CFAP95: variants seen among roughly 807,000 people sequenced by gnomAD.
The protein encoded by CFAP95 is cilia- and flagella-associated protein 95.
At chr9:69,840,995 A>C in the CFAP95 span, among the ~76,000 whole-genome samples, 2 of 151,666 alleles carry the variant, frequency 1.3e-5, no homozygotes, top group African/African-American at 2.4e-5. Flanking sequence ...CTTTTGTAAG[A>C]ATCTAGTTAT....
the CFAP95 span, among the ~76,000 whole-genome samples, chr9:69,847,844 C>T: frequency 6.6e-6 from 1 of 152,260 alleles, no homozygotes; most frequent in Non-Finnish European, 1.5e-5. Flanking sequence ...CTAATATGAG[C>T]ATCATTTATT....
At chr9:69,840,307 G>C in the CFAP95 span, among the ~76,000 whole-genome samples, 1 of 152,126 alleles carries the variant, frequency 6.6e-6, no homozygotes, top group Non-Finnish European at 1.5e-5. Flanking sequence ...ATTGCACCTT[G>C]ATTATTTTTA....
the CFAP95 span, among the ~76,000 whole-genome samples, chr9:69,825,620 G>A: frequency 6.6e-6 from 1 of 152,144 alleles, no homozygotes; most frequent in Admixed American, 6.5e-5. Context: ...CATTTATGGA[G>A]CCATATCATC....
chr9:69,883,798 G>C, the CFAP95 span, among the ~76,000 whole-genome samples: 1 of 147,942 alleles, frequency 6.8e-6, no homozygotes, highest in African/African-American at 2.5e-5. Context: ...CTGGCTAAAG[G>C]TTTGTCAATT....
At chr9:69,846,267 C>G in the CFAP95 span, among the ~76,000 whole-genome samples, 1 of 152,064 alleles carries the variant, frequency 6.6e-6, no homozygotes, top group Non-Finnish European at 1.5e-5. Flanking sequence ...ATAGGAACCA[C>G]AAACATTCCC....
chr9:69,853,077 G>A, the CFAP95 span, among the ~76,000 whole-genome samples: 1 of 152,238 alleles, frequency 6.6e-6, no homozygotes, highest in South Asian at 2.1e-4. Flanking sequence ...TTCACTGTGG[G>A]TCAGAGGAAT....
chr9:69,841,896 G>A, the CFAP95 span, among the ~76,000 whole-genome samples: 1 of 152,166 alleles, frequency 6.6e-6, no homozygotes, highest in Non-Finnish European at 1.5e-5. Flanking sequence ...ACCTCCCACA[G>A]GGTGTCTCCC....
At chr9:69,887,985 T>C in the CFAP95 span, among the ~76,000 whole-genome samples, 2 of 152,132 alleles carry the variant, frequency 1.3e-5, no homozygotes, top group Admixed American at 6.6e-5. Flanking sequence ...AAAGAAGAAA[T>C]TGAAGCCATT....
chr9:69,857,682 G>A, the CFAP95 span, among the ~76,000 whole-genome samples: 31 of 152,060 alleles, frequency 2.0e-4, no homozygotes, highest in African/African-American at 7.2e-4. Context: ...ATGCTGCCAC[G>A]TCCGGCTAAT....
chr9:69,886,962 G>T, the CFAP95 span: 1 of 1,247,690 alleles, frequency 8.0e-7, no homozygotes. Flanking sequence ...ACCTAGTATA[G>T]TCAAACTTGG....
the CFAP95 span, among the ~76,000 whole-genome samples, chr9:69,887,289 T>C: frequency 6.6e-6 from 1 of 152,232 alleles, no homozygotes; most frequent in Non-Finnish European, 1.5e-5. Flanking sequence ...GTCCAGTTTA[T>C]AACTTGAATG....
the CFAP95 span, among the ~76,000 whole-genome samples, chr9:69,886,529 G>A: frequency 0.4 from 60,091 of 152,018 alleles, 12,596 homozygotes; most frequent in Middle Eastern, 0.66. Context: ...GGTAGAAAAC[G>A]TGAACAGAAA....
the CFAP95 span, among the ~76,000 whole-genome samples, chr9:69,858,617 TA>T: frequency 3.6e-4 from 55 of 152,238 alleles, 1 homozygote; most frequent in South Asian, 5.4e-3. Context: ...AATCAAAAAA[TA>T]AGATGTCTTT....
At chr9:69,897,233 A>T in the CFAP95 span, among the ~76,000 whole-genome samples, 2 of 152,250 alleles carry the variant, frequency 1.3e-5, no homozygotes, top group African/African-American at 4.8e-5. Context: ...TACTAACTCA[A>T]ATATCATTTT....
chr9:69,890,794 C>T, the CFAP95 span, among the ~76,000 whole-genome samples: 1 of 152,210 alleles, frequency 6.6e-6, no homozygotes, highest in African/African-American at 2.4e-5. Context: ...CTTACGTTTC[C>T]TTAATCCACA....
the CFAP95 span, among the ~76,000 whole-genome samples, chr9:69,854,294 G>A: frequency 6.6e-6 from 1 of 152,178 alleles, no homozygotes; most frequent in South Asian, 2.1e-4. Flanking sequence ...TTAATGTGAA[G>A]ATATTTAGAA....
chr9:69,843,600 C>CTTCTT, the CFAP95 span, among the ~76,000 whole-genome samples: 1 of 70,492 alleles, frequency 1.4e-5, no homozygotes, highest in Non-Finnish European at 2.4e-5. Flanking sequence ...TCTTCTTCTT[C>CTTCTT]TTCTTCTTCT....
the CFAP95 span, among the ~76,000 whole-genome samples, chr9:69,905,033 G>T: frequency 6.6e-6 from 1 of 152,058 alleles, no homozygotes; most frequent in African/African-American, 2.4e-5. Flanking sequence ...CCTGTAAAGT[G>T]GGTGTAATAA....
At chr9:69,852,310 G>C in the CFAP95 span, among the ~76,000 whole-genome samples, 3 of 152,162 alleles carry the variant, frequency 2.0e-5, no homozygotes, top group African/African-American at 7.2e-5. Context: ...AAGTAAGTGA[G>C]ATGCCAACCC....
Sources: allele counts gnomAD v4.1 joint callset (sites outside exome capture counted in the v4.1 genomes callset), GRCh38; gene constraint gnomAD v4.1.1; transcripts MANE v1.5; gene names NCBI Gene and HGNC (gene_info 2026-07-23, HGNC 2026-07-21).